EML2: variants seen among roughly 807,000 people sequenced by gnomAD.
EML2 encodes echinoderm microtubule-associated protein-like 2.
In EML2, 59 loss-of-function variants were observed where a neutral mutation model predicts 84.7. The ratio of observed to expected loss-of-function variants is 0.70; its 90% CI spans 0.56 to 0.86. EML2 has a LOEUF of 0.86. Among genes scored for constraint, EML2 ranks in the 40% least tolerant of loss-of-function variants. The pLI is 0.00. For missense variants in EML2, 818 were observed against 855.6 expected (o/e 0.96, Z 0.55); for synonymous variants, 352 against 348.9 (o/e 1.01, Z -0.10).
chr19:45,636,001 G>A (rs1475623705), intron 3 of EML2, among the ~76,000 whole-genome samples: 1 of 152,166 alleles, frequency 6.6e-6, no homozygotes, highest in Non-Finnish European at 1.5e-5. Flanking sequence ...GATTATCAGA[G>A]TAGCCCCTAA....
chr19:45,615,668 C>A, intron 16 of EML2, 134 bp downstream of exon 16: 1 of 726,896 alleles, frequency 1.4e-6, no homozygotes, highest in Non-Finnish European at 2.4e-6. Context: ...GCCAGCGGTC[C>A]CTAAATTCCA....
At chr19:45,615,743 T>C (rs1970978105) in intron 16 of EML2, 59 bp downstream of exon 16, 1 of 1,394,582 alleles carries the variant, frequency 7.2e-7, no homozygotes. Flanking sequence ...CTCCCAGAAC[T>C]CAGGGAAGTC....
rs1568433367 is a variant in EML2 at position 45,614,677 on chromosome 19, T to C, written c.1621A>G (p.Ile541Val). ...TTCCTCACAGCATCCGCACTGGTGA[T>C]CTGCTTACAGGTAGCCGGGTCCCCT... Reference protein sequence around the residue: ...LYWDPATCKQITSADAVRNME... With the variant: ...LYWDPATCKQVTSADAVRNME... Residue 541 changes from isoleucine (I) to valine (V), a missense_variant, in exon 17 of 19, where the codon ATC (isoleucine) becomes GTC (valine). Coordinates refer to ENST00000245925, the MANE Select transcript of EML2 (RefSeq NM_012155.4). 1 of 1,614,040 alleles carries C rather than the reference T, an allele frequency of 6.2e-7. No individual in the cohort carries two copies. Among genetic ancestry groups the C allele is most frequent in the Non-Finnish European group, 8.5e-7 (1 of 1,179,930 alleles).
At chr19:45,617,107 G>A (rs868522053) in intron 13 of EML2, among the ~76,000 whole-genome samples, 19 of 151,896 alleles carry the variant, frequency 1.3e-4, no homozygotes, top group Middle Eastern at 3.4e-3. Flanking sequence ...TTAGCCAGGC[G>A]TGGTGGCACG....
chr19:45,644,785 G>T, upstream of EML2: 1 of 456,334 alleles, frequency 2.2e-6, no homozygotes, highest in Non-Finnish European at 4.4e-6. Context: ...CTAATGCATG[G>T]GAGGGCCAGG....
chr19:45,629,821 G>C (rs1376233704), intron 7 of EML2, 130 bp downstream of exon 7: 8 of 719,104 alleles, frequency 1.1e-5, no homozygotes, highest in Non-Finnish European at 2.0e-5. Context: ...GCTTGCTCAA[G>C]TCACACAGCC....
intron 18 of EML2, among the ~76,000 whole-genome samples, chr19:45,612,809 AT>A (rs1204209839): frequency 6.6e-6 from 1 of 152,192 alleles, no homozygotes; most frequent in Admixed American, 6.6e-5. Flanking sequence ...TTCTGCTTTT[AT>A]GCATGAAAAT....
intron 8 of EML2, among the ~76,000 whole-genome samples, chr19:45,625,325 C>T (rs1442465868): frequency 6.6e-6 from 1 of 152,188 alleles, no homozygotes; most frequent in East Asian, 1.9e-4. Flanking sequence ...ACTGCAACCT[C>T]CACCTCCCGG....
chr19:45,609,658 C>T lies in EML2; in HGVS notation c.*5G>A, dbSNP rs1970277158. On this transcript the variant is annotated 3_prime_UTR_variant, in exon 19 of 19. Coordinates refer to ENST00000245925, the MANE Select transcript of EML2 (RefSeq NM_012155.4). ...GCCCTGACACCTGACTCTTCCCTGG[C>T]CGCATCAGACCACCCGCCACTGTAG... is the stretch of plus-strand genomic sequence containing the variant. The T allele has an allele frequency of 6.3e-7, 1 of 1,597,658 alleles. No individual in the cohort carries two copies. Among genetic ancestry groups the T allele is most frequent in the African/African-American group, 1.4e-5 (1 of 73,988 alleles).
upstream of EML2, chr19:45,639,523 T>G: frequency 1.3e-6 from 1 of 782,304 alleles, no homozygotes; most frequent in Non-Finnish European, 1.7e-6. Context: ...GGGTCACACA[T>G]CCCGGGCTGT....
chr19:45,621,307 C>A lies in EML2; in HGVS notation c.1022G>T (p.Arg341Leu). 6.2e-7 allele frequency: 1 copy of A among 1,609,756 alleles called. No homozygotes were observed. Among genetic ancestry groups the A allele is most frequent in the Non-Finnish European group, 8.5e-7 (1 of 1,177,232 alleles). Reference protein sequence around the residue: ...VEVPEDFGPVRTVAEGHGDTL... With the variant: ...VEVPEDFGPVLTVAEGHGDTL... ...GTCTCCGTGGCCCTCTGCCACGGTG[C>A]GCACAGGGCCAAAGTCCTCAGGGAC... is the stretch of plus-strand genomic sequence containing the variant. Residue 341 changes from arginine (R) to leucine (L), a missense_variant, in exon 11 of 19, where the codon CGC (arginine) becomes CTC (leucine). Physicochemically the swap from Arg to Leu is moderately radical, Grantham distance 102. Coordinates refer to ENST00000245925, the MANE Select transcript of EML2 (RefSeq NM_012155.4).
upstream of EML2, chr19:45,643,654 G>A (rs1291811471): frequency 1.9e-5 from 29 of 1,535,976 alleles, no homozygotes; most frequent in South Asian, 1.9e-4. Flanking sequence ...AGCTTAGACG[G>A]GGACAGGGCG....
Position 45,624,743 on chromosome 19 carries a change from C to T in EML2, c.817G>A (p.Gly273Arg), listed in dbSNP as rs1229479767. 2 of 1,613,826 alleles carry T rather than the reference C, an allele frequency of 1.2e-6. No individual in the cohort carries two copies. The highest frequency in any genetic ancestry group is 2.2e-5 in the East Asian group (1 of 44,848). ...CCTTTGCCCCAAACATAGAGGTTCC[C>T]CCCAGAGTCCCCCGTGACCACGTCG... is the stretch of plus-strand genomic sequence containing the variant. The part of the protein sequence containing the change: ...GGDVVTGDSG[G>R]NLYVWGKGGN... The change falls in exon 9 of 19, where the codon GGG becomes AGG. Residue 273 changes from glycine to arginine, a missense_variant. By Grantham distance (125) the Gly-to-Arg change is moderately radical. Coordinates refer to ENST00000245925, the MANE Select transcript of EML2 (RefSeq NM_012155.4).
chr19:45,645,574 T>C (rs2122867153), upstream of EML2: 1 of 881,900 alleles, frequency 1.1e-6, no homozygotes, highest in East Asian at 3.2e-5. Context: ...AGGGCCAGGA[T>C]TGGCTGCGCC....
intron 11 of EML2, chr19:45,620,973 A>C: frequency 1.6e-6 from 1 of 645,008 alleles, no homozygotes; most frequent in Non-Finnish European, 2.8e-6. Flanking sequence ...ACCCCCAATC[A>C]GAGTGGCAGG....
Position 45,613,657 on chromosome 19 carries a change from CCT to C in EML2, c.1706_1707del (p.Glu569GlyfsTer6), listed in dbSNP as rs1292369199. On this transcript the variant is annotated frameshift_variant, in exon 18 of 19. Coordinates refer to ENST00000245925, the MANE Select transcript of EML2 (RefSeq NM_012155.4). LOFTEE classifies it high-confidence loss of function. ...LGFGVFGIWSEGADGTDINAV... is the reference protein window; with the variant it reads ...LGFGVFGIWSXGADGTDINAV... ...GCGTTGATATCAGTGCCGTCCGCCC[CCT>C]CAGACCAGATCCCTGTGGGCAAGAT... 6.2e-7 allele frequency: 1 copy of C among 1,613,680 alleles called. No homozygotes were observed. The highest frequency in any genetic ancestry group is 8.5e-7 in the Non-Finnish European group (1 of 1,179,804).
At chr19:45,621,658 G>C (rs2122667124) in intron 9 of EML2, 21 bp from the exon 10 acceptor site, 2 of 1,601,152 alleles carry the variant, frequency 1.2e-6, no homozygotes, top group Admixed American at 1.7e-5. Context: ...GCCAGGGGCA[G>C]GGTCAACAGG....
rs762177100 is a variant in EML2, at chr19:45,616,867, G to A, written c.1323-14C>T. The A allele has an allele frequency of 3.2e-5, 52 of 1,602,508 alleles. No homozygotes were observed. The South Asian group carries it at 4.4e-4, about 14-fold the overall frequency. On this transcript the variant is annotated splice_polypyrimidine_tract_variant and intron_variant, in intron 13 of 18. Coordinates refer to ENST00000245925, the MANE Select transcript of EML2 (RefSeq NM_012155.4). ...AGCAGCAGCCATCTTGAAGGAGAGGGCGTGGTGGGGGGAGGAGGGGTGAGC... is the reference window on the plus strand; with the variant it reads ...AGCAGCAGCCATCTTGAAGGAGAGGACGTGGTGGGGGGAGGAGGGGTGAGC...
chr19:45,633,284 C>T (rs1054709024), intron 4 of EML2, 145 bp from the exon 5 acceptor site: 5 of 799,632 alleles, frequency 6.3e-6, no homozygotes, highest in Non-Finnish European at 1.0e-5. Context: ...AGCGGATGCC[C>T]TCCGGGTGCG....
Sources: gnomAD v4.1 joint callset for allele counts (sites outside exome capture counted in the v4.1 genomes callset) on GRCh38, gnomAD v4.1.1 for gene constraint, MANE v1.5 for transcripts, NCBI Gene and HGNC (gene_info 2026-07-23, HGNC 2026-07-21) for gene names.